Variants in NUFIP2 observed in about 807,000 individuals in gnomAD.
The protein encoded by NUFIP2 is nuclear FMR1 interacting protein 2, also known as FMR1-interacting protein NUFIP2.
A neutral mutation model predicts 56.9 loss-of-function variants in NUFIP2; 6 were observed. That is an observed-to-expected ratio of 0.11 (90% confidence interval 0.06 to 0.21). NUFIP2 has a LOEUF of 0.21. NUFIP2 is among the 10% of genes least tolerant of loss of function. NUFIP2 has a pLI of 1.00. For synonymous variants in NUFIP2, 321 were observed against 298.2 expected (o/e 1.08, Z -0.79); for missense variants, 828 against 826.8 (o/e 1.00, Z -0.02).
chr17:29,292,017 C>T (rs1454729839), intron 1 of NUFIP2, among the ~76,000 whole-genome samples: 1 of 152,202 alleles, frequency 6.6e-6, no homozygotes, highest in Non-Finnish European at 1.5e-5. Flanking sequence ...TCTTACGCTT[C>T]ATTTCTCTTC....
At chr17:29,279,597 G>A (rs774886551) in intron 2 of NUFIP2, among the ~76,000 whole-genome samples, 14 of 152,224 alleles carry the variant, frequency 9.2e-5, no homozygotes, top group Non-Finnish European at 1.3e-4. Context: ...GCAACAGCAC[G>A]ATTATGGCTC....
intron 2 of NUFIP2, among the ~76,000 whole-genome samples, chr17:29,285,486 G>A (rs2069167233): frequency 6.6e-6 from 1 of 151,342 alleles, no homozygotes; most frequent in Non-Finnish European, 1.5e-5. Flanking sequence ...AGCTACTCAG[G>A]AGGCTGAGGC....
intron 2 of NUFIP2, among the ~76,000 whole-genome samples, chr17:29,276,741 G>C (rs2069110685): frequency 6.6e-6 from 1 of 152,136 alleles, no homozygotes; most frequent in South Asian, 2.1e-4. Flanking sequence ...GCTTCTCACA[G>C]GGCTTGGTGC....
At chr17:29,279,782 G>A (rs1175867388) in intron 2 of NUFIP2, among the ~76,000 whole-genome samples, 1 of 152,176 alleles carries the variant, frequency 6.6e-6, no homozygotes, top group East Asian at 1.9e-4. Flanking sequence ...AAAAATGCTA[G>A]GATTATAGGC....
At chr17:29,275,508 G>A (rs76693805) in intron 2 of NUFIP2, among the ~76,000 whole-genome samples, 3,940 of 152,196 alleles carry the variant, frequency 0.026, 78 homozygotes, top group Non-Finnish European at 0.037. Flanking sequence ...TCAAACTAAG[G>A]AATTTACAGA....
rs367572638 is a variant in NUFIP2, at chr17:29,286,695, C to A, written c.1299G>T (p.Gln433His). 4 of 1,614,034 alleles carry A rather than the reference C, an allele frequency of 2.5e-6. No homozygotes were observed. The highest frequency in any genetic ancestry group is 2.7e-5 in the African/African-American group (2 of 74,922). ...TDGNVYPPGG[Q>H]PLLTTAANTL... Reference sequence around the variant, plus strand: ...TATTAGCAGCAGTAGTTAGCAGTGGCTGACCCCCTGGAGGATAAACATTTC... The same window carrying A: ...TATTAGCAGCAGTAGTTAGCAGTGGATGACCCCCTGGAGGATAAACATTTC... The change falls in exon 2 of 4, where the codon CAG becomes CAT. Residue 433 changes from glutamine (Q) to histidine (H), a missense_variant. Physicochemically the swap from Gln to His is conservative, Grantham distance 24. Around this residue, in one of 3 missense-constraint regions of NUFIP2, gnomAD observed 404 missense variants for 380.3 expected, o/e 1.06. Coordinates refer to ENST00000225388, the MANE Select transcript of NUFIP2 (RefSeq NM_020772.3).
intron 2 of NUFIP2, among the ~76,000 whole-genome samples, chr17:29,278,277 C>CG (rs932224291): frequency 5.9e-5 from 9 of 151,296 alleles, no homozygotes; most frequent in African/African-American, 2.2e-4. Context: ...GACAGAGTCT[C>CG]GCTCTGTCCC....
chr17:29,271,285 TCTCAG>T (rs2069070575), intron 2 of NUFIP2, among the ~76,000 whole-genome samples: 1 of 152,094 alleles, frequency 6.6e-6, no homozygotes, highest in Non-Finnish European at 1.5e-5. Context: ...ACATCTGTAA[TCTCAG>T]CACTTTGGGA....
chr17:29,271,045 T>C (rs1390543579), intron 2 of NUFIP2, among the ~76,000 whole-genome samples: 2 of 152,194 alleles, frequency 1.3e-5, no homozygotes, highest in Admixed American at 6.5e-5. Context: ...AACACCCAAG[T>C]TGAAGATACT....
At chr17:29,272,589 G>A (rs931192431) in intron 2 of NUFIP2, among the ~76,000 whole-genome samples, 1 of 152,272 alleles carries the variant, frequency 6.6e-6, no homozygotes, top group Admixed American at 6.5e-5. Flanking sequence ...AGCAAAACAA[G>A]TGAATAGTAT....
intron 1 of NUFIP2, among the ~76,000 whole-genome samples, chr17:29,289,043 G>T (rs1342418318): frequency 1.3e-5 from 2 of 152,140 alleles, no homozygotes; most frequent in African/African-American, 2.4e-5. Context: ...GGGGAGCTGA[G>T]GGAGGAGGAT....
intron 2 of NUFIP2, among the ~76,000 whole-genome samples, chr17:29,279,419 C>T (rs1418498176): frequency 6.6e-6 from 1 of 152,082 alleles, no homozygotes; most frequent in Non-Finnish European, 1.5e-5. Flanking sequence ...ATACCTCTGC[C>T]TGCACTATTC....
At chr17:29,265,602 A>G (rs77276661) in intron 3 of NUFIP2, among the ~76,000 whole-genome samples, 33,103 of 146,978 alleles carry the variant, frequency 0.23, 4,172 homozygotes, top group South Asian at 0.35. Flanking sequence ...GCGCCCGGCC[A>G]GGGAACTGTT....
At position 29,262,660 on chromosome 17, in the gene NUFIP2, G is replaced by A. The variant is rs1289271571; in HGVS notation, c.*1879C>T. On this transcript the variant is annotated 3_prime_UTR_variant, in exon 4 of 4. Transcript: ENST00000225388. ...ATCAGTCAAAGTGATACAGTTTACA[G>A]GTGAAATGAAACTATCTGGAACTGG... 1.3e-5 allele frequency: 2 copies of A among 151,868 alleles called. No homozygotes were observed. Among genetic ancestry groups the A allele is most frequent in the Middle Eastern group, 3.4e-3 (1 of 292 alleles). The allele number at this position is 151,868 out of a possible 1,614,324, so 9.4% of individuals were successfully genotyped here. A position where few individuals can be genotyped will look rare whatever the true frequency, so the allele number is the denominator to read the frequency against.
chr17:29,273,175 A>T (rs2069086571), intron 2 of NUFIP2, among the ~76,000 whole-genome samples: 1 of 151,970 alleles, frequency 6.6e-6, no homozygotes, highest in Non-Finnish European at 1.5e-5. Flanking sequence ...AAGTAGCTGG[A>T]ACTACAGGTG....
intron 2 of NUFIP2, among the ~76,000 whole-genome samples, chr17:29,284,797 T>C (rs2069162319): frequency 6.6e-6 from 1 of 151,916 alleles, no homozygotes; most frequent in South Asian, 2.1e-4. Flanking sequence ...ACTTGGGCTT[T>C]AGGGCTATGA....
Position 29,260,396 on chromosome 17 carries a change from G to A in NUFIP2, c.*4143C>T, listed in dbSNP as rs1396109693. On this transcript the variant is annotated 3_prime_UTR_variant, in exon 4 of 4. Transcript: ENST00000225388. ...TATACAAGAGGGATCAGCTGTTGTT[G>A]AGGATGTGGCCCAGCGGCATAACTA... 2 of 152,206 alleles carry A rather than the reference G, an allele frequency of 1.3e-5. No individual in the cohort carries two copies. Among genetic ancestry groups the A allele is most frequent in the African/African-American group, 2.4e-5 (1 of 41,446 alleles). The allele number at this position is 152,206 out of a possible 1,614,324, so 9.4% of individuals were successfully genotyped here.
At chr17:29,274,278 T>C (rs1256011211) in intron 2 of NUFIP2, among the ~76,000 whole-genome samples, 3 of 152,198 alleles carry the variant, frequency 2.0e-5, no homozygotes, top group Non-Finnish European at 4.4e-5. Flanking sequence ...GAGACCAGCC[T>C]TAGCAAGATG....
intron 2 of NUFIP2, among the ~76,000 whole-genome samples, chr17:29,268,178 C>G (rs1046481345): frequency 6.6e-6 from 1 of 152,156 alleles, no homozygotes; most frequent in South Asian, 2.1e-4. Context: ...GGATCACAGG[C>G]GCGAGCCACT....
Sources: allele counts gnomAD v4.1 joint callset (sites outside exome capture counted in the v4.1 genomes callset), GRCh38; gene constraint gnomAD v4.1.1; regional missense constraint gnomAD v4.1.1; transcripts MANE v1.5; gene names NCBI Gene and HGNC (gene_info 2026-07-23, HGNC 2026-07-21).